Variants in PDE4D observed in about 807,000 individuals in gnomAD.
PDE4D encodes the protein 3',5'-cyclic-AMP phosphodiesterase 4D.
Under a neutral mutation model 87.4 loss-of-function variants are expected in PDE4D, and 24 were observed. The observed-to-expected ratio is 0.27, with a 90% CI of 0.20 to 0.39. The LOEUF (loss-of-function observed/expected upper bound fraction) is 0.39. Ranked by LOEUF, PDE4D falls within the 10% of genes least tolerant of loss-of-function variation. PDE4D has a pLI of 1.00. For missense variants in PDE4D, 714 were observed against 1,041.0 expected (o/e 0.69, Z 4.32); for synonymous variants, 384 against 383.2 (o/e 1.00, Z -0.02).
At chr5:59,018,601 C>T (rs1754498593) in intron 6 of PDE4D, among the ~76,000 whole-genome samples, 1 of 152,140 alleles carries the variant, frequency 6.6e-6, no homozygotes, top group South Asian at 2.1e-4. Flanking sequence ...ATCACCTTCC[C>T]CTAACAGCTA....
chr5:60,062,104 T>G (rs1653756718), intron 2 of PDE4D, among the ~76,000 whole-genome samples: 2 of 152,104 alleles, frequency 1.3e-5, no homozygotes, highest in African/African-American at 4.8e-5. Flanking sequence ...CAAAAGAAAC[T>G]GTCATCAGAG....
At chr5:59,771,461 GAAAGAAAGAAAGAAAGAAAGAA>G (rs1203006621) in intron 1 of PDE4D, among the ~76,000 whole-genome samples, 7 of 68,892 alleles carry the variant, frequency 1.0e-4, no homozygotes, top group East Asian at 2.8e-4. Flanking sequence ...AAGAAAGAAA[GAAAGAAAGAAAGAAAGAAAGAA>G]AGAGAGAGAG....
intron 5 of PDE4D, among the ~76,000 whole-genome samples, chr5:59,053,993 T>C (rs1244042330): frequency 6.6e-6 from 1 of 152,188 alleles, no homozygotes; most frequent in African/African-American, 2.4e-5. Flanking sequence ...GAATTACTAA[T>C]TCAGTTTACA....
At chr5:59,426,208 T>C (rs948391451) in intron 1 of PDE4D, among the ~76,000 whole-genome samples, 2 of 152,200 alleles carry the variant, frequency 1.3e-5, no homozygotes, top group African/African-American at 2.4e-5. Flanking sequence ...GCTTTTGGAA[T>C]TGTGAGAAAA....
intron 1 of PDE4D, among the ~76,000 whole-genome samples, chr5:59,769,112 A>G (rs1044164073): frequency 6.6e-6 from 1 of 152,024 alleles, no homozygotes; most frequent in Non-Finnish European, 1.5e-5. Context: ...AACAAGCACT[A>G]GCTACACAAG....
chr5:59,902,001 T>C (rs893592177), intron 3 of PDE4D, among the ~76,000 whole-genome samples: 1 of 149,552 alleles, frequency 6.7e-6, no homozygotes, highest in South Asian at 2.1e-4. Flanking sequence ...AGACTGTTCA[T>C]AGCAGGATTA....
At chr5:59,224,703 T>A (rs1753352669) in intron 1 of PDE4D, among the ~76,000 whole-genome samples, 1 of 152,214 alleles carries the variant, frequency 6.6e-6, no homozygotes, top group Non-Finnish European at 1.5e-5. Flanking sequence ...AGAATTCATA[T>A]GTTAAACGAG....
intron 5 of PDE4D, among the ~76,000 whole-genome samples, chr5:59,053,661 G>T (rs60973097): frequency 0.42 from 36,594 of 88,018 alleles, 6,849 homozygotes; most frequent in East Asian, 0.77. Context: ...TTTTGTTGTT[G>T]TTTTTTTTTT....
At chr5:59,039,116 G>A in intron 5 of PDE4D, 145 bp from the exon 6 acceptor site, 3 of 1,386,714 alleles carry the variant, frequency 2.2e-6, no homozygotes, top group Non-Finnish European at 2.8e-6. Flanking sequence ...ATATTGCCCA[G>A]CCCGGCAGTG....
At chr5:59,438,934 T>C (rs1242884911) in intron 1 of PDE4D, among the ~76,000 whole-genome samples, 1 of 152,258 alleles carries the variant, frequency 6.6e-6, no homozygotes, top group East Asian at 1.9e-4. Flanking sequence ...ATGTAAATGA[T>C]ACAAAAGTTG....
chr5:59,006,540 C>A (rs1301823891), intron 6 of PDE4D, among the ~76,000 whole-genome samples: 1 of 152,014 alleles, frequency 6.6e-6, no homozygotes, highest in East Asian at 1.9e-4. Flanking sequence ...TATGATTGCA[C>A]CACTGTACTC....
intron 1 of PDE4D, among the ~76,000 whole-genome samples, chr5:59,266,289 A>T (rs1762850544): frequency 7.2e-6 from 1 of 138,872 alleles, no homozygotes; most frequent in African/African-American, 2.7e-5. Context: ...ATATATATAT[A>T]TTCTTCAACA....
chr5:59,687,476 T>C (rs796932474), intron 1 of PDE4D, among the ~76,000 whole-genome samples: 5 of 152,066 alleles, frequency 3.3e-5, no homozygotes, highest in Admixed American at 1.3e-4. Context: ...CCAAACTAAG[T>C]TTCATAAGTG....
At chr5:59,368,604 G>A (rs1357959203) in intron 1 of PDE4D, among the ~76,000 whole-genome samples, 2 of 152,128 alleles carry the variant, frequency 1.3e-5, no homozygotes, top group African/African-American at 4.8e-5. Context: ...TAACTGCTCA[G>A]CAGGAAAAAC....
chr5:59,232,590 C>T (rs1246024845), intron 1 of PDE4D, among the ~76,000 whole-genome samples: 3 of 150,908 alleles, frequency 2.0e-5, no homozygotes, highest in Admixed American at 1.3e-4. Context: ...ATTAATATGG[C>T]CATTATGGAA....
At chr5:59,040,186 C>T (rs1759442236) in intron 5 of PDE4D, 1 of 152,226 alleles carries the variant, frequency 6.6e-6, no homozygotes, top group Non-Finnish European at 1.5e-5. Context: ...GAATTAAGAC[C>T]GCATTCTTTT....
chr5:59,097,988 T>C (rs897787693), intron 5 of PDE4D, among the ~76,000 whole-genome samples: 3 of 152,182 alleles, frequency 2.0e-5, no homozygotes, highest in Non-Finnish European at 4.4e-5. Context: ...CATCCTATTA[T>C]AAAATGTGAA....
intron 1 of PDE4D, among the ~76,000 whole-genome samples, chr5:59,512,563 T>G (rs1810459451): frequency 6.6e-6 from 1 of 152,190 alleles, no homozygotes; most frequent in Admixed American, 6.5e-5. Flanking sequence ...ACTTCAAGAA[T>G]GTTTAACCCC....
At chr5:59,293,946 A>G (rs766475854) in intron 1 of PDE4D, among the ~76,000 whole-genome samples, 1 of 152,150 alleles carries the variant, frequency 6.6e-6, no homozygotes, top group Non-Finnish European at 1.5e-5. Context: ...ACGCTCACCT[A>G]TTCTGGTGAA....
Sources: gnomAD v4.1 joint callset for allele counts (sites outside exome capture counted in the v4.1 genomes callset) on GRCh38, gnomAD v4.1.1 for gene constraint, MANE v1.5 for transcripts, NCBI Gene and HGNC (gene_info 2026-07-23, HGNC 2026-07-21) for gene names.